The following ERBB4 variants were observed in gnomAD, a reference collection of about 807,000 sequenced individuals.
The protein encoded by ERBB4 is erb-b2 receptor tyrosine kinase 4.
In ERBB4, 42 loss-of-function variants were observed where a neutral mutation model predicts 158.0. The ratio of observed to expected loss-of-function variants is 0.27; its 90% confidence interval spans 0.21 to 0.34. The LOEUF (loss-of-function observed/expected upper bound fraction) is 0.34, where lower values mean the gene tolerates loss of function less well. Ranked by LOEUF, ERBB4 falls within the 10% of genes least tolerant of loss-of-function variation. The pLI is 1.00. For missense variants in ERBB4, 1,333 were observed against 1,624.1 expected, an observed-to-expected ratio of 0.82 and a Z score of 3.08; for synonymous variants, 583 against 558.7, an observed-to-expected ratio of 1.04 and a Z score of -0.61.
At chr2:211,857,866 ATTTAT>A in intron 3 of ERBB4, among the ~76,000 whole-genome samples, 1 of 152,346 alleles carries the variant, frequency 6.6e-6, no homozygotes, top group East Asian at 1.9e-4. Context: ...AAATGCATGT[ATTTAT>A]TATAGTAAGA....
chr2:211,709,274 T>TATATATATATATACATATATATATATAC (rs1553615210), intron 9 of ERBB4, among the ~76,000 whole-genome samples: 5 of 136,552 alleles, frequency 3.7e-5, no homozygotes, highest in African/African-American at 1.4e-4. Context: ...TATATATATA[T>TATATATATATATACATATATATATATAC]ACATACATAT....
At chr2:211,773,633 T>TATATATATTATATATATATA (rs2075788617) in intron 4 of ERBB4, among the ~76,000 whole-genome samples, 1 of 102,852 alleles carries the variant, frequency 9.7e-6, no homozygotes, top group African/African-American at 4.6e-5. Context: ...TATATATATA[T>TATATATATTATATATATATA]ATATATATAT....
chr2:211,925,226 A>G (rs912744095), intron 3 of ERBB4, among the ~76,000 whole-genome samples: 1 of 152,186 alleles, frequency 6.6e-6, no homozygotes, highest in Non-Finnish European at 1.5e-5. Flanking sequence ...CTCAAACAAC[A>G]TTAGTATTAG....
chr2:212,240,149 T>C (rs1045311458), intron 1 of ERBB4, among the ~76,000 whole-genome samples: 1 of 152,088 alleles, frequency 6.6e-6, no homozygotes, highest in African/African-American at 2.4e-5. Context: ...TAGGGTAAGA[T>C]TAAATAAAAA....
intron 25 of ERBB4, among the ~76,000 whole-genome samples, chr2:211,407,649 T>C (rs2063173221): frequency 1.3e-5 from 2 of 152,168 alleles, no homozygotes; most frequent in South Asian, 4.1e-4. Context: ...CATCTCTCAA[T>C]TCAGCTTTTG....
rs949414117 is a variant in ERBB4 at position 211,563,711 on chromosome 2, T to C, written c.2302-1623A>G. On this transcript the variant is annotated intron_variant, in intron 19 of 27. Transcript: ENST00000342788. Reference sequence around the variant, plus strand: ...TGATCTTAGAAGATCCTGAAGTCTTTATAGATGAACTATCTTGTGTCTGCC... The same window carrying C: ...TGATCTTAGAAGATCCTGAAGTCTTCATAGATGAACTATCTTGTGTCTGCC... Among the ~76,000 whole-genome samples, 6 of 152,298 alleles carry C rather than the reference T, an allele frequency of 3.9e-5. 1 individual carries two copies. Among genetic ancestry groups the C allele is most frequent in the African/African-American group, 1.4e-4 (6 of 41,574 alleles).
intron 2 of ERBB4, among the ~76,000 whole-genome samples, chr2:211,982,314 T>C (rs1181665009): frequency 1.3e-5 from 2 of 152,100 alleles, no homozygotes; most frequent in Non-Finnish European, 1.5e-5. Context: ...CCAAAGGAAG[T>C]TCTAAGTGAG....
intron 19 of ERBB4, among the ~76,000 whole-genome samples, chr2:211,575,195 A>T (rs1176426769): frequency 6.6e-6 from 1 of 152,208 alleles, no homozygotes; most frequent in African/African-American, 2.4e-5. Context: ...TAGATCTAGC[A>T]GATTTTGTGG....
At position 211,987,666 on chromosome 2, in the gene ERBB4, T is replaced by C. The variant is rs1005753789; in HGVS notation, c.235-40050A>G. Reference sequence around the variant, plus strand: ...CCTAATTTTATTTACACATTTTTATTTTCTAAGGCTAAAGAAAGTGAGACT... The same window carrying C: ...CCTAATTTTATTTACACATTTTTATCTTCTAAGGCTAAAGAAAGTGAGACT... On this transcript the variant is annotated intron_variant, in intron 2 of 27. Coordinates refer to ENST00000342788, the MANE Select transcript of ERBB4 (RefSeq NM_005235.3). Among the ~76,000 whole-genome samples, 6 of 152,162 alleles carry C rather than the reference T, an allele frequency of 3.9e-5. No individual in the cohort carries two copies. The East Asian group carries it at 1.2e-3, about 29-fold the overall frequency.
intron 2 of ERBB4, among the ~76,000 whole-genome samples, chr2:212,050,434 A>C (rs2077369649): frequency 6.6e-6 from 1 of 152,176 alleles, no homozygotes; most frequent in Admixed American, 6.5e-5. Context: ...AATGTGATGG[A>C]ATGCTTTGTT....
At chr2:212,159,447 C>A (rs901565921) in intron 1 of ERBB4, among the ~76,000 whole-genome samples, 1 of 151,788 alleles carries the variant, frequency 6.6e-6, no homozygotes, top group Non-Finnish European at 1.5e-5. Context: ...ATTTTACATT[C>A]GTATAATGTA....
chr2:212,189,203 G>A (rs1030921406), intron 1 of ERBB4, among the ~76,000 whole-genome samples: 1 of 151,898 alleles, frequency 6.6e-6, no homozygotes, highest in Admixed American at 6.6e-5. Flanking sequence ...CATTCAAAAA[G>A]TTTTGAATTT....
At chr2:211,893,373 C>T (rs1019198764) in intron 3 of ERBB4, among the ~76,000 whole-genome samples, 7 of 143,328 alleles carry the variant, frequency 4.9e-5, no homozygotes, top group Non-Finnish European at 1.1e-4. Flanking sequence ...AAAGCTGAAA[C>T]TGGATCCCTT....
chr2:212,192,258 A>G (rs754738882), intron 1 of ERBB4, among the ~76,000 whole-genome samples: 2 of 150,166 alleles, frequency 1.3e-5, no homozygotes, highest in South Asian at 4.2e-4. Context: ...AATTTCCCCT[A>G]TACTCTGTCT....
At chr2:211,636,176 C>T (rs917796653) in intron 16 of ERBB4, among the ~76,000 whole-genome samples, 1 of 151,778 alleles carries the variant, frequency 6.6e-6, no homozygotes, top group Non-Finnish European at 1.5e-5. Context: ...ATAAATTTAA[C>T]AGGGATTTTT....
intron 1 of ERBB4, among the ~76,000 whole-genome samples, chr2:212,377,546 T>C (rs1169827463): frequency 6.6e-6 from 1 of 151,718 alleles, no homozygotes; most frequent in African/African-American, 2.4e-5. Flanking sequence ...ATAGAAAAAG[T>C]ACAATAAAAA....
Position 212,253,179 on chromosome 2 carries a change from C to T in ERBB4, c.83-128276G>A, listed in dbSNP as rs556210442. ...TGATACCACATAATCTGTAATCGTT[C>T]TGGGGCTCCTTGACTAACATGTTCA... On this transcript the variant is annotated intron_variant, in intron 1 of 27. Coordinates refer to ENST00000342788, the MANE Select transcript of ERBB4 (RefSeq NM_005235.3). 1.6e-4 allele frequency among the ~76,000 whole-genome samples: 24 copies of T among 152,210 alleles called. 1 individual carries two copies. In the South Asian group the frequency reaches 4.8e-3, roughly 30 times the overall value.
intron 3 of ERBB4, among the ~76,000 whole-genome samples, chr2:211,914,830 T>C (rs1480872577): frequency 6.6e-6 from 1 of 152,122 alleles, no homozygotes; most frequent in Non-Finnish European, 1.5e-5. Context: ...TTCTTATCAA[T>C]ATTATTGGTT....
intron 2 of ERBB4, among the ~76,000 whole-genome samples, chr2:212,069,551 G>A (rs931152043): frequency 2.0e-5 from 3 of 151,964 alleles, no homozygotes; most frequent in African/African-American, 7.2e-5. Context: ...TATTGTACTG[G>A]AGGTTCTAAT....
Sources: allele counts gnomAD v4.1 joint callset (sites outside exome capture counted in the v4.1 genomes callset), GRCh38; gene constraint gnomAD v4.1.1; transcripts MANE v1.5; gene names NCBI Gene and HGNC (gene_info 2026-07-23, HGNC 2026-07-21).